The following UBXN8 variants were observed in gnomAD, a reference collection of about 807,000 sequenced individuals.
UBXN8 encodes the protein UBX domain protein 8, also known as UBX domain-containing protein 8.
A neutral mutation model predicts 32.1 loss-of-function variants in UBXN8; 27 were observed. The observed-to-expected ratio is 0.84, with a 90% CI of 0.62 to 1.16. UBXN8 has a LOEUF of 1.16. UBXN8 is among the 50% of genes most tolerant of loss of function. The probability of loss-of-function intolerance (pLI) is 0.00; values close to 1 mark genes in which losing one functional copy is unlikely to be tolerated. For missense variants in UBXN8, 306 were observed against 311.4 expected, an observed-to-expected ratio of 0.98 and a Z score of 0.13; for synonymous variants, 109 against 111.8, an observed-to-expected ratio of 0.98 and a Z score of 0.16.
intron 2 of UBXN8, among the ~76,000 whole-genome samples, chr8:30,752,024 T>C (rs1805534488): frequency 1.3e-5 from 2 of 151,578 alleles, no homozygotes; most frequent in African/African-American, 2.4e-5. Context: ...TCCCGAGTAT[T>C]TGGGACTACA....
chr8:30,735,761 C>T (rs1204250750), intron 1 of UBXN8, among the ~76,000 whole-genome samples: 4 of 152,160 alleles, frequency 2.6e-5, no homozygotes, highest in Admixed American at 6.6e-5. Context: ...ATCAATTGAT[C>T]CTGGGAGGCA....
chr8:30,751,948 A>C (rs1024481812), intron 2 of UBXN8, among the ~76,000 whole-genome samples: 1 of 146,044 alleles, frequency 6.8e-6, no homozygotes, highest in African/African-American at 2.6e-5. Flanking sequence ...GCTGGAGTGC[A>C]GTGGCATGAT....
intron 7 of UBXN8, among the ~76,000 whole-genome samples, chr8:30,764,095 A>C (rs1805933870): frequency 6.6e-6 from 1 of 152,200 alleles, no homozygotes; most frequent in African/African-American, 2.4e-5. Flanking sequence ...TCATGCCAAA[A>C]CCAGTTACTA....
upstream of UBXN8, among the ~76,000 whole-genome samples, chr8:30,729,580 T>C (rs185144246): frequency 6.6e-6 from 1 of 152,294 alleles, no homozygotes; most frequent in East Asian, 1.9e-4. Flanking sequence ...ATTCTTTGTT[T>C]TGTGGTGTGC....
upstream of UBXN8, among the ~76,000 whole-genome samples, chr8:30,729,247 C>G (rs764268262): frequency 6.6e-6 from 1 of 152,226 alleles, no homozygotes; most frequent in Non-Finnish European, 1.5e-5. Flanking sequence ...GGTGGAACGC[C>G]TAGTCAGAGC....
At chr8:30,759,589 A>G (rs899894620) in intron 5 of UBXN8, among the ~76,000 whole-genome samples, 5 of 152,000 alleles carry the variant, frequency 3.3e-5, no homozygotes, top group Admixed American at 6.6e-5. Flanking sequence ...AGTAAATGAC[A>G]AAAGCAACCA....
At chr8:30,743,976 G>A (rs780291938), upstream of UBXN8, among the ~76,000 whole-genome samples, 7 of 152,206 alleles carry the variant, frequency 4.6e-5, no homozygotes, top group Non-Finnish European at 7.3e-5. Flanking sequence ...CATGTGACTT[G>A]GGGGACGACT....
chr8:30,744,933 A>T (rs1805325494), intron 1 of UBXN8, among the ~76,000 whole-genome samples: 1 of 152,186 alleles, frequency 6.6e-6, no homozygotes. Flanking sequence ...TTGAACACCT[A>T]TTATAAGCCA....
chr8:30,765,956 GC>G (rs1479072879), intron 7 of UBXN8, among the ~76,000 whole-genome samples: 12 of 148,790 alleles, frequency 8.1e-5, no homozygotes, highest in African/African-American at 3.0e-4. Context: ...GTTTCAGTGA[GC>G]CGAGATCATG....
chr8:30,739,179 G>A (rs1346341202), upstream of UBXN8, among the ~76,000 whole-genome samples: 1 of 150,710 alleles, frequency 6.6e-6, no homozygotes, highest in Admixed American at 6.7e-5. Context: ...AGGAATTCCT[G>A]TGATGGAACT....
chr8:30,730,027 CAA>C (rs1052866752), upstream of UBXN8, among the ~76,000 whole-genome samples: 2 of 152,164 alleles, frequency 1.3e-5, no homozygotes, highest in Non-Finnish European at 2.9e-5. Context: ...CAGGAGATGG[CAA>C]AAGTCATCCC....
At chr8:30,746,299 CT>C (rs571463726) in intron 1 of UBXN8, among the ~76,000 whole-genome samples, 9 of 149,962 alleles carry the variant, frequency 6.0e-5, no homozygotes, top group African/African-American at 1.7e-4. Flanking sequence ...ATATTTTTTC[CT>C]TTTTTTTTCT....
intron 2 of UBXN8, among the ~76,000 whole-genome samples, chr8:30,752,240 C>G (rs1047463539): frequency 2.6e-5 from 4 of 152,184 alleles, no homozygotes; most frequent in African/African-American, 9.7e-5. Flanking sequence ...TTATTCCATT[C>G]TAGCAGTTTT....
Position 30,751,642 on chromosome 8 carries a change from A to C in UBXN8, c.211+124A>C. 6.6e-6 allele frequency: 5 copies of C among 757,420 alleles called. No homozygotes were observed. In the South Asian group the frequency reaches 1.6e-4, roughly 25 times the overall value. 46.9% of individuals were successfully genotyped at this position (757,420 alleles called of 1,614,324 possible). A position where few individuals can be genotyped will look rare whatever the true frequency, so the allele number is the denominator to read the frequency against. Reference sequence around the variant, plus strand: ...ATGTGTAGTTTCAGGGAGAGTAATCAGTACAACTTTAGTCATGATTTTTTG... The same window carrying C: ...ATGTGTAGTTTCAGGGAGAGTAATCCGTACAACTTTAGTCATGATTTTTTG... On this transcript the variant is annotated intron_variant, in intron 2 of 7. Transcript: ENST00000265616.
chr8:30,764,832 A>G (rs1805954804), intron 7 of UBXN8, among the ~76,000 whole-genome samples: 1 of 152,140 alleles, frequency 6.6e-6, no homozygotes. Flanking sequence ...CAAGCGGATC[A>G]TGAGGTCAAG....
rs1272352090 is a variant in UBXN8, at chr8:30,766,185, A to G, written c.646-42A>G. The G allele has an allele frequency of 3.2e-6, 5 of 1,576,044 alleles. No individual in the cohort carries two copies. The East Asian group carries it at 6.8e-5, about 21-fold the overall frequency. ...GGTGGTCTAAAGGGACATGGTGTGT[A>G]AAGTATTTGATAATGACTAAGCCAA... is the stretch of plus-strand genomic sequence containing the variant. On this transcript the variant is annotated intron_variant, in intron 7 of 7. Coordinates refer to ENST00000265616, the MANE Select transcript of UBXN8 (RefSeq NM_005671.4).
At chr8:30,751,545 T>C in intron 2 of UBXN8, 27 bp downstream of exon 2, 1 of 1,541,686 alleles carries the variant, frequency 6.5e-7, no homozygotes. Context: ...TTCTACCCTT[T>C]TATACCATTC....
chr8:30,744,181 TC>T lies in UBXN8; in HGVS notation c.-7del, dbSNP rs779709534. 1 of 1,611,702 alleles carries T rather than the reference TC, an allele frequency of 6.2e-7. No homozygotes were observed. The highest frequency in any genetic ancestry group is 8.5e-7 in the Non-Finnish European group (1 of 1,179,030). ...GGGCTTTCCGCCTGCACCAGGCGCT[TC>T]CGCCACCATGGCTTCACGTGGGGTT... is the stretch of plus-strand genomic sequence containing the variant. On this transcript the variant is annotated 5_prime_UTR_variant, in exon 1 of 8. Transcript: ENST00000265616.
chr8:30,754,347 C>A, intron 3 of UBXN8: 1 of 429,734 alleles, frequency 2.3e-6, no homozygotes, highest in South Asian at 1.9e-5. Context: ...TTGGAGTTGC[C>A]ATACCGGCAT....
Sources: allele counts gnomAD v4.1 joint callset (sites outside exome capture counted in the v4.1 genomes callset), GRCh38; gene constraint gnomAD v4.1.1; transcripts MANE v1.5; gene names NCBI Gene and HGNC (gene_info 2026-07-23, HGNC 2026-07-21).